The following CCNB1IP1 variants were observed in gnomAD, a reference collection of about 807,000 sequenced individuals.
The protein encoded by CCNB1IP1 is cyclin B1 interacting protein 1, also known as E3 ubiquitin-protein ligase CCNB1IP1.
In CCNB1IP1, 14 loss-of-function variants were observed where a neutral mutation model predicts 25.6. That is an observed-to-expected ratio of 0.55 (90% CI 0.36 to 0.85). CCNB1IP1 has a LOEUF of 0.85. Among genes scored for constraint, CCNB1IP1 ranks in the 40% least tolerant of loss-of-function variants. The pLI, the probability that CCNB1IP1 is intolerant of heterozygous loss-of-function variation, is 0.01. For synonymous variants in CCNB1IP1, 119 were observed against 116.1 expected (o/e 1.02, Z -0.16); for missense variants, 278 against 342.4 (o/e 0.81, Z 1.48).
chr14:20,316,772 G>A (rs1882713502), intron 4 of CCNB1IP1, among the ~76,000 whole-genome samples: 1 of 152,108 alleles, frequency 6.6e-6, no homozygotes, highest in African/African-American at 2.4e-5. Flanking sequence ...AAGGACAAAG[G>A]TAAAGACAAA....
Position 20,321,303 on chromosome 14 carries a change from A to G in CCNB1IP1, c.-38+4236T>C, listed in dbSNP as rs114855004. ...TTTTGATACCTTGTTTTTATAGCCA[A>G]AAGTTGAGATTTGCAACAGAAAAGT... On this transcript the variant is annotated intron_variant, in intron 4 of 6. Coordinates refer to ENST00000358932, the MANE Select transcript of CCNB1IP1 (RefSeq NM_021178.5). 7.6e-3 allele frequency among the ~76,000 whole-genome samples: 1,161 copies of G among 152,314 alleles called. 22 individuals are homozygous for G. Among genetic ancestry groups the G allele is most frequent in the African/African-American group, 0.026 (1,096 of 41,572 alleles).
chr14:20,332,745 C>T (rs1237527030), intron 1 of CCNB1IP1: 2 of 152,164 alleles, frequency 1.3e-5, no homozygotes, highest in East Asian at 3.9e-4. Flanking sequence ...CCAGGTTCAC[C>T]AAGAAAGCCG....
intron 4 of CCNB1IP1, among the ~76,000 whole-genome samples, chr14:20,319,362 T>C (rs1882819946): frequency 1.3e-5 from 2 of 152,254 alleles, no homozygotes; most frequent in African/African-American, 4.8e-5. Context: ...GAGATCTTCA[T>C]GTGTGAACCA....
At position 20,313,460 on chromosome 14, in the gene CCNB1IP1, T is replaced by C. The variant is rs772559094; in HGVS notation, c.631+8A>G. ...AAGAACAGACACTTGATACATGTCCTTTCTTACCTAATGGGAAGCCAAGAA... is the reference window on the plus strand; with the variant it reads ...AAGAACAGACACTTGATACATGTCCCTTCTTACCTAATGGGAAGCCAAGAA... On this transcript the variant is annotated splice_region_variant and intron_variant, in intron 6 of 6. Transcript: ENST00000358932. The C allele has an allele frequency of 1.3e-6, 2 of 1,563,844 alleles. No individual in the cohort carries two copies. Among genetic ancestry groups the C allele is most frequent in the Admixed American group, 1.9e-5 (1 of 51,738 alleles).
At chr14:20,326,585 C>T (rs183945412) in intron 3 of CCNB1IP1, 131 bp downstream of exon 3, 1 of 522,708 alleles carries the variant, frequency 1.9e-6, no homozygotes, top group East Asian at 5.5e-5. Flanking sequence ...CAGGAAAATT[C>T]TCCTAAGGTT....
intron 1 of CCNB1IP1, among the ~76,000 whole-genome samples, chr14:20,332,005 C>CATATATT (rs1555314510): frequency 1.5e-4 from 10 of 66,564 alleles, no homozygotes; most frequent in African/African-American, 6.5e-4. Flanking sequence ...GATGTGTATA[C>CATATATT]ATATATATAT....
At chr14:20,317,196 G>A (rs535144808) in intron 4 of CCNB1IP1, among the ~76,000 whole-genome samples, 29 of 152,154 alleles carry the variant, frequency 1.9e-4, no homozygotes, top group African/African-American at 6.3e-4. Flanking sequence ...GGATCACGAG[G>A]TCAGGAGTTC....
At position 20,320,804 on chromosome 14, in the gene CCNB1IP1, C is replaced by CA. The variant is rs11292210; in HGVS notation, c.-37-4245dup. Among the ~76,000 whole-genome samples the CA allele has an allele frequency of 5.8e-3, 579 of 99,642 alleles. 2 individuals are homozygous for CA. Among genetic ancestry groups the CA allele is most frequent in the Middle Eastern group, 0.018 (3 of 168 alleles). The allele number at this position is 99,642 out of a possible 152,430, so 65.4% of individuals were successfully genotyped here. On this transcript the variant is annotated intron_variant, in intron 4 of 6. Coordinates refer to ENST00000358932, the MANE Select transcript of CCNB1IP1 (RefSeq NM_021178.5). The stretch of plus-strand genomic sequence containing the variant: ...TGGGCAACAAAGCCAGACTCCGTCT[C>CA]AAAAAAAAAAAAAAAAAAATTATAG...
At chr14:20,315,822 T>C (rs1290861234) in intron 5 of CCNB1IP1, 2 of 1,178,070 alleles carry the variant, frequency 1.7e-6, no homozygotes, top group South Asian at 2.6e-5. Flanking sequence ...GGCGGGAGAA[T>C]GGCTTGAACC....
chr14:20,316,428 G>A lies in CCNB1IP1; in HGVS notation c.96C>T (p.Phe32=). 6.2e-7 allele frequency: 1 copy of A among 1,614,016 alleles called. No individual in the cohort carries two copies. Among genetic ancestry groups the A allele is most frequent in the Non-Finnish European group, 8.5e-7 (1 of 1,179,950 alleles). Residue 32 remains phenylalanine (F), a synonymous_variant, in exon 5 of 7, where the codon TTC becomes TTT. Coordinates refer to ENST00000358932, the MANE Select transcript of CCNB1IP1 (RefSeq NM_021178.5). Reference sequence around the variant, plus strand: ...ACTCACCACTGCCATGCTGATCACAGAAGATGTGAGAGCAGGCAGTGACCC... The same window carrying A: ...ACTCACCACTGCCATGCTGATCACAAAAGATGTGAGAGCAGGCAGTGACCC... The part of the protein sequence containing the change: ...YAWVTACSHI[F]CDQHGSGEFS...
chr14:20,328,962 C>T (rs1210904970), intron 2 of CCNB1IP1, among the ~76,000 whole-genome samples: 2 of 152,254 alleles, frequency 1.3e-5, no homozygotes, highest in African/African-American at 2.4e-5. Context: ...TGTTCATAGC[C>T]AAAAGGTACA....
chr14:20,317,449 C>CA (rs1882745430), intron 4 of CCNB1IP1: 1 of 151,960 alleles, frequency 6.6e-6, no homozygotes, highest in Admixed American at 6.6e-5. Flanking sequence ...TAGAAAAGAA[C>CA]ACTCGCACAC....
intron 5 of CCNB1IP1, among the ~76,000 whole-genome samples, chr14:20,314,006 T>G (rs10131909): frequency 6.6e-6 from 1 of 152,264 alleles, no homozygotes; most frequent in East Asian, 1.9e-4. Flanking sequence ...AAAAAAAGTC[T>G]GGAAGAATAC....
intron 5 of CCNB1IP1, among the ~76,000 whole-genome samples, chr14:20,314,969 T>C (rs995407232): frequency 2.0e-5 from 3 of 149,922 alleles, no homozygotes; most frequent in Non-Finnish European, 4.4e-5. Flanking sequence ...CGGGCGCCTG[T>C]AGTCCCAGCT....
At chr14:20,316,154 G>A in intron 5 of CCNB1IP1, 73 bp downstream of exon 5, 1 of 1,306,542 alleles carries the variant, frequency 7.7e-7, no homozygotes, top group Admixed American at 2.3e-5. Context: ...ATAATACAAT[G>A]AAGGAAAGAC....
At chr14:20,314,156 C>T in intron 5 of CCNB1IP1, 1 of 174,168 alleles carries the variant, frequency 5.7e-6, no homozygotes, top group Non-Finnish European at 1.2e-5. Flanking sequence ...AAGACAACCA[C>T]AAATTATCGT....
chr14:20,322,372 T>C (rs1882921912), intron 4 of CCNB1IP1, among the ~76,000 whole-genome samples: 1 of 152,162 alleles, frequency 6.6e-6, no homozygotes, highest in Non-Finnish European at 1.5e-5. Flanking sequence ...GCAAGTATTT[T>C]TTTGGTATCT....
chr14:20,313,019 G>C (rs1882553170), intron 6 of CCNB1IP1, among the ~76,000 whole-genome samples: 1 of 152,204 alleles, frequency 6.6e-6, no homozygotes, highest in Admixed American at 6.5e-5. Context: ...TCTGAAAACA[G>C]GTTAGTGATA....
intron 4 of CCNB1IP1, among the ~76,000 whole-genome samples, chr14:20,320,904 A>G (rs1023466288): frequency 4.0e-5 from 6 of 151,824 alleles, no homozygotes; most frequent in Non-Finnish European, 7.4e-5. Flanking sequence ...TTGGGGGGTC[A>G]AGGTGGGTGG....
Sources: gnomAD v4.1 joint callset for allele counts (sites outside exome capture counted in the v4.1 genomes callset) on GRCh38, gnomAD v4.1.1 for gene constraint, MANE v1.5 for transcripts, NCBI Gene and HGNC (gene_info 2026-07-23, HGNC 2026-07-21) for gene names.